CD82: variants seen among roughly 807,000 people sequenced by gnomAD.
The protein encoded by CD82 is CD82 molecule, also known as CD82 antigen.
A neutral mutation model predicts 37.4 loss-of-function variants in CD82; 36 were observed. That is an observed-to-expected ratio of 0.96 (90% CI 0.74 to 1.27). CD82 has a LOEUF of 1.27. Among genes scored for constraint, CD82 ranks in the 50% most tolerant of loss-of-function variants. The pLI, the probability that CD82 is intolerant of heterozygous loss-of-function variation, is 0.00. For missense variants in CD82, 340 were observed against 347.0 expected (o/e 0.98, Z 0.16); for synonymous variants, 158 against 137.4 (o/e 1.15, Z -1.05).
At chr11:44,602,901 C>G (rs10838314) in intron 4 of CD82, among the ~76,000 whole-genome samples, 34,708 of 152,104 alleles carry the variant, frequency 0.23, 4,289 homozygotes, top group East Asian at 0.32. Context: ...CTGCCAGGCA[C>G]CTTGCAGCCT....
At position 44,584,340 on chromosome 11, in the gene CD82, G is replaced by A. The variant is rs544781087; in HGVS notation, c.-102-3135G>A. 2.6e-5 allele frequency among the ~76,000 whole-genome samples: 4 copies of A among 152,280 alleles called. No individual in the cohort carries two copies. The South Asian group carries it at 8.3e-4, about 32-fold the overall frequency. ...TTGTTCTTGTTGCCTAGGCTGGAGTGCAGTGGCAGGATCTCAGCTCACTGC... is the reference window on the plus strand; with the variant it reads ...TTGTTCTTGTTGCCTAGGCTGGAGTACAGTGGCAGGATCTCAGCTCACTGC... On this transcript the variant is annotated intron_variant, in intron 1 of 9. Transcript: ENST00000227155.
chr11:44,567,930 A>G (rs1319384556), intron 1 of CD82, among the ~76,000 whole-genome samples: 2 of 152,248 alleles, frequency 1.3e-5, no homozygotes, highest in Admixed American at 6.5e-5. Context: ...AGGGAGGTCA[A>G]CCTGTCCTGA....
intron 3 of CD82, among the ~76,000 whole-genome samples, chr11:44,599,834 G>A (rs913838746): frequency 1.3e-5 from 2 of 152,228 alleles, no homozygotes; most frequent in African/African-American, 4.8e-5. Flanking sequence ...TGGAGTCGGG[G>A]GGATGAGCTG....
At chr11:44,596,806 G>A (rs1040085411) in intron 3 of CD82, 39 of 429,082 alleles carry the variant, frequency 9.1e-5, no homozygotes, top group Non-Finnish European at 2.8e-5. Flanking sequence ...AGATGTTCAG[G>A]GCGGAAGAGC....
Position 44,605,175 on chromosome 11 carries a change from TG to T in CD82, c.258del (p.Leu87CysfsTer8). Reference protein sequence around the residue: ...IGAVNEVRCLLGLYFAFLLLI... With the variant: ...IGAVNEVRCLXGLYFAFLLLI... ...GCCGTCAACGAGGTCCGCTGCCTGC[TG>T]GGGCTGGTGAGTACGGATCCCTCCG... On this transcript the variant is annotated frameshift_variant, in exon 5 of 10. Transcript: ENST00000227155. LOFTEE classifies it high-confidence loss of function. The T allele has an allele frequency of 6.2e-7, 1 of 1,614,032 alleles. No individual in the cohort carries two copies. The highest frequency in any genetic ancestry group is 8.5e-7 in the Non-Finnish European group (1 of 1,179,992).
chr11:44,610,457 C>A (rs1853464278), intron 6 of CD82, among the ~76,000 whole-genome samples: 1 of 152,230 alleles, frequency 6.6e-6, no homozygotes, highest in African/African-American at 2.4e-5. Context: ...ATGACTCTTA[C>A]ATTTGGATGA....
At position 44,605,380 on chromosome 11, in the gene CD82, T is replaced by G. The variant is rs1853378283; in HGVS notation, c.287T>G (p.Leu96Arg). ...GLYFAFLLLI[L>R]IAQVTAGALF... ...TACTTTGCTTTCCTGCTCCTGATCC[T>G]CATTGCCCAGGTGACGGCCGGGGCC... The change falls in exon 6 of 10, where the codon CTC becomes CGC. Residue 96 changes from leucine (L) to arginine (R), a missense_variant. Leu to Arg is a moderately radical substitution (Grantham distance 102). Transcript: ENST00000227155. The G allele has an allele frequency of 6.2e-7, 1 of 1,614,206 alleles. No individual in the cohort carries two copies. The highest frequency in any genetic ancestry group is 8.5e-7 in the Non-Finnish European group (1 of 1,180,024).
intron 1 of CD82, among the ~76,000 whole-genome samples, chr11:44,576,740 C>T (rs1852897269): frequency 6.6e-6 from 1 of 152,210 alleles, no homozygotes; most frequent in South Asian, 2.1e-4. Flanking sequence ...CTTTACAGCT[C>T]TTGGCAGTGG....
chr11:44,568,744 G>A (rs1284676296), intron 1 of CD82, among the ~76,000 whole-genome samples: 40 of 152,284 alleles, frequency 2.6e-4, no homozygotes, highest in Admixed American at 2.6e-3. Flanking sequence ...GAGGCCTCAC[G>A]CTTTAGAGCC....
At chr11:44,594,478 G>A (rs1473647765) in intron 2 of CD82, among the ~76,000 whole-genome samples, 165 bp from the exon 3 acceptor site, 4 of 152,140 alleles carry the variant, frequency 2.6e-5, no homozygotes, top group East Asian at 1.9e-4. Context: ...AAGACTGCTC[G>A]TGGGACCTCA....
chr11:44,574,438 G>A (rs1852859589), intron 1 of CD82, among the ~76,000 whole-genome samples: 1 of 152,078 alleles, frequency 6.6e-6, no homozygotes, highest in Non-Finnish European at 1.5e-5. Context: ...CTTGCTTGTT[G>A]GAATTACACA....
chr11:44,579,564 CG>C (rs1852951237), intron 1 of CD82, among the ~76,000 whole-genome samples: 1 of 151,916 alleles, frequency 6.6e-6, no homozygotes. Context: ...TCTCACTCCC[CG>C]CTCTGTACCT....
At chr11:44,606,724 A>ATGGCTC (rs1853402368) in intron 6 of CD82, 1 of 152,228 alleles carries the variant, frequency 6.6e-6, no homozygotes, top group Non-Finnish European at 1.5e-5. Flanking sequence ...TGTCCTCACA[A>ATGGCTC]TGGCTCTGCA....
At chr11:44,568,953 G>T (rs369407571) in intron 1 of CD82, among the ~76,000 whole-genome samples, 1 of 152,196 alleles carries the variant, frequency 6.6e-6, no homozygotes, top group East Asian at 1.9e-4. Context: ...GCTCCAAACC[G>T]TTATACCCAC....
intron 2 of CD82, 74 bp from the exon 3 acceptor site, chr11:44,594,569 C>T: frequency 1.1e-6 from 1 of 910,710 alleles, no homozygotes; most frequent in Middle Eastern, 2.5e-4. Context: ...AGGGTTAGTA[C>T]CCACCTCCTG....
At chr11:44,568,399 G>A (rs1239728520) in intron 1 of CD82, among the ~76,000 whole-genome samples, 1 of 152,146 alleles carries the variant, frequency 6.6e-6, no homozygotes, top group Non-Finnish European at 1.5e-5. Context: ...AAGGTGGCTG[G>A]ATTGGGTGAG....
At chr11:44,577,084 G>C (rs528034394) in intron 1 of CD82, among the ~76,000 whole-genome samples, 2 of 152,178 alleles carry the variant, frequency 1.3e-5, no homozygotes, top group South Asian at 4.2e-4. Context: ...TGGGATCTTC[G>C]CTGTTGGCCA....
intron 3 of CD82, chr11:44,595,091 C>T (rs146265687): frequency 4.0e-6 from 1 of 251,364 alleles, no homozygotes; most frequent in Non-Finnish European, 7.8e-6. Context: ...TCCTGGCCCC[C>T]ACCCTGCCCA....
At chr11:44,578,300 C>A (rs1281359899) in intron 1 of CD82, among the ~76,000 whole-genome samples, 2 of 152,158 alleles carry the variant, frequency 1.3e-5, no homozygotes, top group African/African-American at 2.4e-5. Context: ...TCTCTGAGCT[C>A]CTATATTCCT....
Sources: allele counts gnomAD v4.1 joint callset (sites outside exome capture counted in the v4.1 genomes callset), GRCh38; gene constraint gnomAD v4.1.1; transcripts MANE v1.5; gene names NCBI Gene and HGNC (gene_info 2026-07-23, HGNC 2026-07-21).